LYN: variants seen among roughly 807,000 people sequenced by gnomAD.
LYN encodes the protein LYN proto-oncogene, Src family tyrosine kinase.
LYN carries 12 observed loss-of-function variants against 65.0 expected under a neutral mutation model. That is an observed-to-expected ratio of 0.18 (90% confidence interval 0.12 to 0.30). LYN has a LOEUF of 0.30. Among genes scored for constraint, LYN ranks in the 10% least tolerant of loss-of-function variants. The pLI, the probability that LYN is intolerant of heterozygous loss-of-function variation, is 1.00. For synonymous variants in LYN, 222 were observed against 221.2 expected, an observed-to-expected ratio of 1.00 and a Z score of -0.03; for missense variants, 380 against 623.2, an observed-to-expected ratio of 0.61 and a Z score of 4.16.
chr8:55,997,097 G>A (rs1808392404), intron 10 of LYN, among the ~76,000 whole-genome samples: 1 of 151,790 alleles, frequency 6.6e-6, no homozygotes, highest in South Asian at 2.1e-4. Context: ...GGAGGCGGGA[G>A]GTTGCAGTGA....
At chr8:56,003,510 C>CA (rs1445838773) in intron 12 of LYN, among the ~76,000 whole-genome samples, 4 of 151,358 alleles carry the variant, frequency 2.6e-5, no homozygotes, top group South Asian at 2.1e-4. Context: ...ACAAAAAATA[C>CA]AAAAAAAATT....
At chr8:55,906,056 C>A (rs1805409327) in intron 1 of LYN, among the ~76,000 whole-genome samples, 1 of 152,184 alleles carries the variant, frequency 6.6e-6, no homozygotes, top group Non-Finnish European at 1.5e-5. Flanking sequence ...AGTAGTTCAT[C>A]TGATATGTGC....
At position 55,941,900 on chromosome 8, in the gene LYN, A is replaced by G. The variant is rs771793789; in HGVS notation, c.41A>G (p.Asp14Gly). 15 of 1,612,554 alleles carry G rather than the reference A, an allele frequency of 9.3e-6. No homozygotes were observed. The highest frequency in any genetic ancestry group is 1.0e-5 in the Non-Finnish European group (12 of 1,178,894). ...TCAAAAGGGAAAGACAGCTTGAGTG[A>G]CGATGGAGTAGATTTGAAGACTCAA... ...IKSKGKDSLSDDGVDLKTQPV... is the reference protein window; with the variant it reads ...IKSKGKDSLSGDGVDLKTQPV... The change falls in exon 2 of 13, where the codon GAC becomes GGC. Residue 14 changes from aspartate (D) to glycine (G), a missense_variant. By Grantham distance (94) the Asp-to-Gly change is moderately conservative. Coordinates refer to ENST00000519728, the MANE Select transcript of LYN (RefSeq NM_002350.4).
At chr8:55,963,519 C>T (rs1328323678) in intron 8 of LYN, among the ~76,000 whole-genome samples, 1 of 152,166 alleles carries the variant, frequency 6.6e-6, no homozygotes, top group Non-Finnish European at 1.5e-5. Context: ...CAGCAAAGAA[C>T]ACAGAATGAG....
intron 1 of LYN, among the ~76,000 whole-genome samples, chr8:55,904,587 T>C (rs941505934): frequency 6.6e-6 from 1 of 152,046 alleles, no homozygotes; most frequent in African/African-American, 2.4e-5. Context: ...CATGCACCTA[T>C]AAAAGATAAA....
In LYN at chr8:55,911,095, A is replaced by ATG. The variant is rs1563506171; in HGVS notation, c.-5-30759_-5-30758insGT. Among the ~76,000 whole-genome samples, 105 of 33,424 alleles carry ATG rather than the reference A, an allele frequency of 3.1e-3. 10 individuals are homozygous for ATG. The highest frequency in any genetic ancestry group is 3.7e-3 in the Non-Finnish European group (67 of 18,084). 21.9% of individuals were successfully genotyped at this position (33,424 alleles called of 152,430 possible). On this transcript the variant is annotated intron_variant, in intron 1 of 12. Transcript: ENST00000519728. ...TATATATACATACATATATATATAT[A>ATG]TATACATACACGTATATATACGTAT...
intron 8 of LYN, among the ~76,000 whole-genome samples, chr8:55,965,036 T>G (rs1416519192): frequency 6.6e-6 from 1 of 151,830 alleles, no homozygotes; most frequent in East Asian, 1.9e-4. Flanking sequence ...TCTCCCCATT[T>G]TTTTTTTAAC....
chr8:56,003,529 G>C (rs543075422), intron 12 of LYN, among the ~76,000 whole-genome samples: 1 of 152,060 alleles, frequency 6.6e-6, no homozygotes, highest in Non-Finnish European at 1.5e-5. Context: ...TTAGCCCGGC[G>C]TGGTGGCCAA....
chr8:55,885,846 G>C (rs968243575), intron 1 of LYN, among the ~76,000 whole-genome samples: 5 of 152,220 alleles, frequency 3.3e-5, no homozygotes, highest in African/African-American at 1.2e-4. Context: ...CAGGCCCCTG[G>C]GTCATTTGCC....
intron 1 of LYN, among the ~76,000 whole-genome samples, chr8:55,905,926 G>A (rs142526837): frequency 1.3e-5 from 2 of 152,258 alleles, no homozygotes; most frequent in East Asian, 3.9e-4. Context: ...CTTGACTTCT[G>A]GAAAGAAGCC....
intron 1 of LYN, among the ~76,000 whole-genome samples, chr8:55,907,872 ATAAG>A (rs1474547595): frequency 7.2e-5 from 11 of 152,288 alleles, no homozygotes; most frequent in Non-Finnish European, 1.6e-4. Flanking sequence ...TTTCACATAA[ATAAG>A]TAAGTAGTTT....
chr8:55,919,620 A>G (rs1805885483), intron 1 of LYN, among the ~76,000 whole-genome samples: 1 of 152,150 alleles, frequency 6.6e-6, no homozygotes, highest in South Asian at 2.1e-4. Flanking sequence ...CACACCCACA[A>G]AAAGAAAAAC....
At chr8:55,884,912 A>G (rs145056050) in intron 1 of LYN, among the ~76,000 whole-genome samples, 3 of 152,296 alleles carry the variant, frequency 2.0e-5, no homozygotes. Context: ...AGCTGGCAGC[A>G]TTCCTTATTT....
chr8:55,995,706 C>T (rs187261937), intron 10 of LYN, among the ~76,000 whole-genome samples: 2 of 151,984 alleles, frequency 1.3e-5, no homozygotes, highest in Admixed American at 6.6e-5. Context: ...AGGGAATGAG[C>T]GTTCCACACA....
intron 1 of LYN, among the ~76,000 whole-genome samples, chr8:55,911,257 G>A (rs867754955): frequency 2.4e-4 from 2 of 8,328 alleles, no homozygotes; most frequent in African/African-American, 3.2e-4. Flanking sequence ...GTGTGTGTGT[G>A]TATATATATA....
chr8:55,954,201 G>C (rs1243235842), intron 8 of LYN, among the ~76,000 whole-genome samples: 1 of 152,166 alleles, frequency 6.6e-6, no homozygotes, highest in Non-Finnish European at 1.5e-5. Flanking sequence ...TTCTCTTAAT[G>C]TTTGTAAGGA....
intron 8 of LYN, among the ~76,000 whole-genome samples, chr8:55,959,160 T>G (rs1160796749): frequency 1.3e-5 from 2 of 152,212 alleles, no homozygotes; most frequent in East Asian, 1.9e-4. Context: ...GTTGGCTGGT[T>G]GGCTTTTGTG....
chr8:55,909,022 CA>C lies in LYN; in HGVS notation c.-6+28920del, dbSNP rs1563504832. 4.2e-3 allele frequency among the ~76,000 whole-genome samples: 304 copies of C among 71,934 alleles called. 51 individuals carry two copies. In the Middle Eastern group the frequency reaches 0.08, roughly 19 times the overall value. 47.2% of individuals were successfully genotyped at this position (71,934 alleles called of 152,430 possible). A position where few individuals can be genotyped will look rare whatever the true frequency, so the allele number is the denominator to read the frequency against. ...ATATATATATATATACACACACACA[CA>C]CACACACACACACACACACACACAC... On this transcript the variant is annotated intron_variant, in intron 1 of 12. Transcript: ENST00000519728.
chr8:55,944,555 A>T (rs1242783898), intron 2 of LYN, among the ~76,000 whole-genome samples: 1 of 152,206 alleles, frequency 6.6e-6, no homozygotes, highest in Non-Finnish European at 1.5e-5. Context: ...ATCTCAGCTC[A>T]CTGCAACCTC....
Sources: allele counts gnomAD v4.1 joint callset (sites outside exome capture counted in the v4.1 genomes callset), GRCh38; gene constraint gnomAD v4.1.1; transcripts MANE v1.5; gene names NCBI Gene and HGNC (gene_info 2026-07-23, HGNC 2026-07-21).